Variants in ADRA1B observed in about 807,000 individuals in gnomAD.
ADRA1B encodes the protein alpha-1B adrenergic receptor.
In ADRA1B, 17 loss-of-function variants were observed where a neutral mutation model predicts 17.9. The observed-to-expected ratio is 0.95, with a 90% confidence interval of 0.65 to 1.42. ADRA1B has a LOEUF of 1.42. ADRA1B is among the 40% of genes most tolerant of loss of function. The pLI, the probability that ADRA1B is intolerant of heterozygous loss-of-function variation, is 0.00. For synonymous variants in ADRA1B, 366 were observed against 327.6 expected (o/e 1.12, Z -1.27); for missense variants, 681 against 722.1 (o/e 0.94, Z 0.65).
chr5:159,946,710 T>A (rs1367990666), intron 1 of ADRA1B, among the ~76,000 whole-genome samples: 1 of 152,260 alleles, frequency 6.6e-6, no homozygotes, highest in Non-Finnish European at 1.5e-5. Flanking sequence ...AATTATAGTA[T>A]AATATTGAAT....
chr5:159,943,941 A>AC (rs1755205136), intron 1 of ADRA1B, among the ~76,000 whole-genome samples: 4 of 121,842 alleles, frequency 3.3e-5, no homozygotes, highest in African/African-American at 1.2e-4. Context: ...CACACACACA[A>AC]ACACACACAC....
At chr5:159,952,124 A>G (rs1003239540) in intron 1 of ADRA1B, among the ~76,000 whole-genome samples, 5 of 152,218 alleles carry the variant, frequency 3.3e-5, no homozygotes, top group South Asian at 2.1e-4. Flanking sequence ...AATCTGCTAT[A>G]CTTTCTTAAA....
At chr5:159,922,199 A>G (rs1447694964) in intron 1 of ADRA1B, among the ~76,000 whole-genome samples, 2 of 152,238 alleles carry the variant, frequency 1.3e-5, no homozygotes, top group Admixed American at 6.5e-5. Flanking sequence ...ACCATGTACC[A>G]GACATTCTGC....
chr5:159,919,037 T>G (rs1754405655), intron 1 of ADRA1B, among the ~76,000 whole-genome samples: 1 of 152,122 alleles, frequency 6.6e-6, no homozygotes, highest in South Asian at 2.1e-4. Context: ...CTATAAATTC[T>G]GAAGGCACAC....
At chr5:159,889,712 T>C (rs984116079) in intron 1 of ADRA1B, among the ~76,000 whole-genome samples, 2 of 152,352 alleles carry the variant, frequency 1.3e-5, no homozygotes, top group African/African-American at 4.8e-5. Context: ...ATGTCCTTAC[T>C]AAACAGGTTC....
the ADRA1B span, among the ~76,000 whole-genome samples, chr5:159,984,047 C>T: frequency 6.6e-6 from 1 of 152,046 alleles, no homozygotes; most frequent in Non-Finnish European, 1.5e-5. Context: ...GTGACTGATA[C>T]ACTGCTTTTT....
intron 1 of ADRA1B, among the ~76,000 whole-genome samples, chr5:159,942,404 C>T (rs983427481): frequency 2.6e-5 from 4 of 152,144 alleles, no homozygotes; most frequent in Admixed American, 1.3e-4. Context: ...AATTGGGAAA[C>T]AACCTAAAAG....
chr5:159,920,760 C>T (rs753968478), intron 1 of ADRA1B, among the ~76,000 whole-genome samples: 24 of 152,168 alleles, frequency 1.6e-4, no homozygotes, highest in Non-Finnish European at 3.4e-4. Flanking sequence ...TGAGTTTCTA[C>T]TTTCTCTGAG....
At position 159,972,433 on chromosome 5, in the gene ADRA1B, G is replaced by A. The variant is rs1437691014; in HGVS notation, c.1504G>A (p.Val502Met). 4 of 1,501,728 alleles carry A rather than the reference G, an allele frequency of 2.7e-6. No homozygotes were observed. Among genetic ancestry groups the A allele is most frequent in the South Asian group, 1.2e-5 (1 of 80,980 alleles). The allele number at this position is 1,501,728 out of a possible 1,614,324, so 93.0% of individuals were successfully genotyped here. Residue 502 changes from valine (V) to methionine (M), a missense_variant, in exon 2 of 2, where the codon GTG (valine) becomes ATG (methionine). This residue lies in a region of ADRA1B where 251 missense variants were observed against 224.9 expected (regional missense o/e 1.12). Coordinates refer to ENST00000306675, the MANE Select transcript of ADRA1B (RefSeq NM_000679.4). The part of the protein sequence containing the change: ...SNGGCEAAAD[V>M]ANGQPGFKSN... ...CGGAGGCTGCGAGGCCGCGGCCGACGTGGCCAACGGGCAGCCGGGCTTCAA... is the reference window on the plus strand; with the variant it reads ...CGGAGGCTGCGAGGCCGCGGCCGACATGGCCAACGGGCAGCCGGGCTTCAA...
At position 159,922,881 on chromosome 5, in the gene ADRA1B, C is replaced by T. The variant is rs73817251; in HGVS notation, c.949+5027C>T. 5.1e-3 allele frequency among the ~76,000 whole-genome samples: 784 copies of T among 152,366 alleles called. 5 individuals are homozygous for T. Among genetic ancestry groups the T allele is most frequent in the African/African-American group, 0.018 (728 of 41,566 alleles). ...GGGAACACAGAGATGTTGAAAAACA[C>T]ACATGCACAAACAAACATGAACATA... On this transcript the variant is annotated intron_variant, in intron 1 of 1. Transcript: ENST00000306675.
At position 159,948,025 on chromosome 5, in the gene ADRA1B, A is replaced by G. The variant is rs1054173612; in HGVS notation, c.950-23854A>G. 3 of 985,372 alleles carry G rather than the reference A, an allele frequency of 3.0e-6. No individual in the cohort carries two copies. The African/African-American group carries it at 5.2e-5, about 17-fold the overall frequency. 61.0% of individuals were successfully genotyped at this position (985,372 alleles called of 1,614,324 possible). A position where few individuals can be genotyped will look rare whatever the true frequency, so the allele number is the denominator to read the frequency against. ...CATTGCTGCTGTCTAATTAGTAAGC[A>G]TGGCCACACTGGCCCATCGGTTTCA... On this transcript the variant is annotated intron_variant, in intron 1 of 1. Transcript: ENST00000306675.
At chr5:159,922,401 A>G (rs1185127775) in intron 1 of ADRA1B, among the ~76,000 whole-genome samples, 1 of 152,238 alleles carries the variant, frequency 6.6e-6, no homozygotes, top group Admixed American at 6.5e-5. Flanking sequence ...TACCTGTTCC[A>G]GCACACCAAG....
At chr5:159,950,464 C>T in intron 1 of ADRA1B, 1 of 1,193,296 alleles carries the variant, frequency 8.4e-7, no homozygotes, top group Non-Finnish European at 1.2e-6. Flanking sequence ...TCCTCTCATG[C>T]TCTCACTGGG....
In ADRA1B at chr5:159,972,512, CT is replaced by C; in HGVS notation, c.*23del. On this transcript the variant is annotated 3_prime_UTR_variant, in exon 2 of 2. Transcript: ENST00000306675. ...TTTTAGGGCCCCCGTGCGCAGCTTT[CT>C]TTCCCTGGGGAGGAAAACATCGTGG... 9.7e-7 allele frequency: 1 copy of C among 1,032,656 alleles called. No homozygotes were observed. The highest frequency in any genetic ancestry group is 1.2e-6 in the Non-Finnish European group (1 of 862,130). The allele number at this position is 1,032,656 out of a possible 1,614,324, so 64.0% of individuals were successfully genotyped here. A position where few individuals can be genotyped will look rare whatever the true frequency, so the allele number is the denominator to read the frequency against.
chr5:159,888,568 C>T (rs1753950924), intron 1 of ADRA1B: 1 of 152,056 alleles, frequency 6.6e-6, no homozygotes, highest in Non-Finnish European at 1.5e-5. Flanking sequence ...GAATTTAATC[C>T]TAAAACCTAG....
chr5:159,969,393 A>G (rs926719911), intron 1 of ADRA1B, among the ~76,000 whole-genome samples: 1 of 152,206 alleles, frequency 6.6e-6, no homozygotes, highest in African/African-American at 2.4e-5. Context: ...TTGAGGTTTG[A>G]AACAGGCCAA....
chr5:159,875,229 T>C (rs1753790079), intron 1 of ADRA1B, among the ~76,000 whole-genome samples: 1 of 152,144 alleles, frequency 6.6e-6, no homozygotes, highest in South Asian at 2.1e-4. Context: ...AGAAGGTTTA[T>C]CCTGCAGGAT....
At chr5:159,947,140 A>G (rs1386006025) in intron 1 of ADRA1B, among the ~76,000 whole-genome samples, 1 of 152,184 alleles carries the variant, frequency 6.6e-6, no homozygotes, top group African/African-American at 2.4e-5. Context: ...CAGGAGTTCA[A>G]GACCAGCCTG....
intron 1 of ADRA1B, among the ~76,000 whole-genome samples, chr5:159,931,328 AGG>A (rs572020354): frequency 7.7e-4 from 117 of 151,694 alleles, no homozygotes; most frequent in African/African-American, 2.7e-3. Flanking sequence ...CAGGAGGTCA[AGG>A]GTACAATGAG....
Sources: gnomAD v4.1 joint callset for allele counts (sites outside exome capture counted in the v4.1 genomes callset) on GRCh38, gnomAD v4.1.1 for gene constraint, gnomAD v4.1.1 regional missense constraint, MANE v1.5 for transcripts, NCBI Gene and HGNC (gene_info 2026-07-23, HGNC 2026-07-21) for gene names.